Variants in DDX42 observed in about 807,000 individuals in gnomAD.
DDX42 encodes ATP-dependent RNA helicase DDX42.
A neutral mutation model predicts 101.5 loss-of-function variants in DDX42; 22 were observed. The ratio of observed to expected loss-of-function variants is 0.22; its 90% CI spans 0.15 to 0.31. The LOEUF is 0.31. Ranked by LOEUF, DDX42 falls within the 10% of genes least tolerant of loss-of-function variation. The pLI, the probability that DDX42 is intolerant of heterozygous loss-of-function variation, is 1.00. For missense variants in DDX42, 849 were observed against 1,199.9 expected, an observed-to-expected ratio of 0.71 and a Z score of 4.32; for synonymous variants, 402 against 401.2, an observed-to-expected ratio of 1.00 and a Z score of -0.02.
chr17:63,815,381 T>C (rs1260091374), intron 15 of DDX42, among the ~76,000 whole-genome samples, 182 bp from the exon 16 acceptor site: 1 of 152,194 alleles, frequency 6.6e-6, no homozygotes, highest in Non-Finnish European at 1.5e-5. Context: ...TCAAATTTGG[T>C]GGATTATGCT....
chr17:63,778,137 A>G lies in DDX42; in HGVS notation c.-17+3761A>G, dbSNP rs2144518431. Reference sequence around the variant, plus strand: ...CTTCTGTGAGACTTTTTCTGGTTCCACGGTATTAACACACACTATGCTACT... The same window carrying G: ...CTTCTGTGAGACTTTTTCTGGTTCCGCGGTATTAACACACACTATGCTACT... On this transcript the variant is annotated intron_variant, in intron 1 of 17. Coordinates refer to ENST00000389924, the MANE Select transcript of DDX42 (RefSeq NM_203499.3). 1.3e-5 allele frequency among the ~76,000 whole-genome samples: 2 copies of G among 152,286 alleles called. 1 individual carries two copies. Among genetic ancestry groups the G allele is most frequent in the South Asian group, 4.1e-4 (2 of 4,830 alleles).
chr17:63,786,463 C>T (rs1741180486), intron 1 of DDX42, among the ~76,000 whole-genome samples: 1 of 152,172 alleles, frequency 6.6e-6, no homozygotes, highest in Admixed American at 6.6e-5. Flanking sequence ...CAATCTCTGT[C>T]ACCCAGGCTT....
At chr17:63,781,570 T>G (rs111913149) in intron 1 of DDX42, among the ~76,000 whole-genome samples, 2,461 of 152,200 alleles carry the variant, frequency 0.016, 66 homozygotes, top group African/African-American at 0.055. Flanking sequence ...CTATAGAGCT[T>G]CTTTCTCCTC....
intron 6 of DDX42, among the ~76,000 whole-genome samples, chr17:63,804,587 C>T (rs1441703356): frequency 6.6e-6 from 1 of 152,204 alleles, no homozygotes; most frequent in Non-Finnish European, 1.5e-5. Flanking sequence ...GGTGAAATAT[C>T]TTCTCTGTCC....
rs1260096880 is a variant in DDX42 at position 63,817,772 on chromosome 17, T to C, written c.2191T>C (p.Trp731Arg). 1 of 1,614,136 alleles carries C rather than the reference T, an allele frequency of 6.2e-7. No individual in the cohort carries two copies. Among genetic ancestry groups the C allele is most frequent in the Non-Finnish European group, 8.5e-7 (1 of 1,180,028 alleles). Reference sequence around the variant, plus strand: ...AAGTTCTGCTGCTGGGGCAAGTGGGTGGACTAGTGCAGGGAGCTTGAATTC... The same window carrying C: ...AAGTTCTGCTGCTGGGGCAAGTGGGCGGACTAGTGCAGGGAGCTTGAATTC... The part of the protein sequence containing the change: ...AGSSAAGASG[W>R]TSAGSLNSVP... Residue 731 changes from tryptophan (W) to arginine (R), a missense_variant, in exon 18 of 18, where the codon TGG (tryptophan) becomes CGG (arginine). By Grantham distance (101) the Trp-to-Arg change is moderately radical. Around this residue, in one of 5 missense-constraint regions of DDX42, gnomAD observed 300 missense variants for 304.9 expected, o/e 0.98. Coordinates refer to ENST00000389924, the MANE Select transcript of DDX42 (RefSeq NM_203499.3).
At position 63,813,463 on chromosome 17, in the gene DDX42, C is replaced by T. The variant is rs769601535; in HGVS notation, c.1902+9C>T. ...TAGATCTGGCAATGCAGGTGAGGGG[C>T]TGGGCACACTTTCAATTGCTCCTGG... On this transcript the variant is annotated intron_variant, in intron 15 of 17. Transcript: ENST00000389924. 1 of 1,609,418 alleles carries T rather than the reference C, an allele frequency of 6.2e-7. No homozygotes were observed. Among genetic ancestry groups the T allele is most frequent in the Non-Finnish European group, 8.5e-7 (1 of 1,176,238 alleles).
chr17:63,789,631 T>C (rs1009189929), intron 2 of DDX42, among the ~76,000 whole-genome samples: 2 of 139,594 alleles, frequency 1.4e-5, no homozygotes, highest in African/African-American at 2.7e-5. Context: ...TGGAGTGCAG[T>C]GGCGTGATCT....
At chr17:63,800,387 T>C in intron 5 of DDX42, 81 bp from the exon 6 acceptor site, 12 of 1,383,476 alleles carry the variant, frequency 8.7e-6, no homozygotes, top group Non-Finnish European at 1.2e-5. Flanking sequence ...AATTATCTGG[T>C]ACACTATGTG....
intron 12 of DDX42, 70 bp downstream of exon 12, chr17:63,810,630 CAG>C (rs2039898807): frequency 1.7e-5 from 25 of 1,436,560 alleles, no homozygotes; most frequent in Non-Finnish European, 2.4e-5. Context: ...TATAAGCACT[CAG>C]AGTTATGGAA....
At chr17:63,790,406 C>T (rs920345733) in intron 2 of DDX42, among the ~76,000 whole-genome samples, 3 of 152,240 alleles carry the variant, frequency 2.0e-5, no homozygotes, top group Admixed American at 1.3e-4. Context: ...GGGTGTATCA[C>T]TTGAGGTCAG....
At position 63,818,680 on chromosome 17, in the gene DDX42, C is replaced by T. The variant is rs2040010978; in HGVS notation, c.*282C>T. On this transcript the variant is annotated 3_prime_UTR_variant, in exon 18 of 18. Coordinates refer to ENST00000389924, the MANE Select transcript of DDX42 (RefSeq NM_203499.3). ...AGGTTATCTTGGGATAAAGGGTCTT[C>T]TAGGGCACAAAACTCACTCTAGGTT... 1 of 364,472 alleles carries T rather than the reference C, an allele frequency of 2.7e-6. No homozygotes were observed. 22.6% of individuals were successfully genotyped at this position (364,472 alleles called of 1,614,324 possible).
intron 1 of DDX42, among the ~76,000 whole-genome samples, chr17:63,786,465 C>T (rs2039548403): frequency 6.6e-6 from 1 of 152,176 alleles, no homozygotes; most frequent in African/African-American, 2.4e-5. Flanking sequence ...ATCTCTGTCA[C>T]CCAGGCTTGA....
chr17:63,805,252 A>G, intron 7 of DDX42, 77 bp downstream of exon 7: 1 of 1,510,336 alleles, frequency 6.6e-7, no homozygotes, highest in Non-Finnish European at 8.9e-7. Context: ...TATCTAAACT[A>G]ATAACCTTGA....
rs138224520 is a variant in DDX42 at position 63,789,546 on chromosome 17, C to CGTTTTTTTTTT, written c.221+2276_221+2277insGTTTTTTTTTT. ...ATTGGAAAAAAAAGCTTCTAAAAGA[C>CGTTTTTTTTTT]TTTTTTGTTTTTGTTTTTGTTTTTG... is the stretch of plus-strand genomic sequence containing the variant. On this transcript the variant is annotated intron_variant, in intron 2 of 17. Transcript: ENST00000389924. Among the ~76,000 whole-genome samples the CGTTTTTTTTTT allele has an allele frequency of 7.4e-5, 9 of 121,848 alleles. 2 individuals are homozygous for CGTTTTTTTTTT. Among genetic ancestry groups the CGTTTTTTTTTT allele is most frequent in the African/African-American group, 2.0e-4 (6 of 29,320 alleles). 79.9% of individuals were successfully genotyped at this position (121,848 alleles called of 152,430 possible).
chr17:63,794,531 A>G (rs536606859), intron 3 of DDX42, among the ~76,000 whole-genome samples: 2 of 151,672 alleles, frequency 1.3e-5, no homozygotes, highest in East Asian at 3.9e-4. Context: ...AAAAACTATC[A>G]CTTTAGACTA....
intron 4 of DDX42, among the ~76,000 whole-genome samples, chr17:63,799,058 G>A (rs929495533): frequency 5.9e-5 from 9 of 152,162 alleles, no homozygotes; most frequent in Non-Finnish European, 1.0e-4. Context: ...CATGTGAACT[G>A]TTTAAGCGTT....
chr17:63,818,107 T>C lies in DDX42; in HGVS notation c.2526T>C (p.Asp842=). The stretch of plus-strand genomic sequence containing the variant: ...ACGGAGATGGTGGTCGCCATGGAGA[T>C]GGATACCGCCATCCAGAAAGCAGCA... ...PRHGDGGRHG[D]GYRHPESSSR... is the part of the protein sequence containing the mutation. Residue 842 remains aspartate, a synonymous_variant, in exon 18 of 18, where the codon GAT becomes GAC. Transcript: ENST00000389924. 3.7e-6 allele frequency: 6 copies of C among 1,613,680 alleles called. No homozygotes were observed. Among genetic ancestry groups the C allele is most frequent in the Non-Finnish European group, 5.1e-6 (6 of 1,179,972 alleles).
chr17:63,788,136 C>A (rs2039571621), intron 2 of DDX42, among the ~76,000 whole-genome samples: 2 of 151,760 alleles, frequency 1.3e-5, no homozygotes, highest in South Asian at 4.2e-4. Context: ...AACTCCTGAC[C>A]TCAGGTGAAC....
chr17:63,806,768 G>A, intron 8 of DDX42, 114 bp downstream of exon 8: 1 of 1,143,536 alleles, frequency 8.7e-7, no homozygotes, highest in Non-Finnish European at 1.2e-6. Context: ...TTGTTGATAA[G>A]GATAGAGGTA....
Sources: allele counts gnomAD v4.1 joint callset (sites outside exome capture counted in the v4.1 genomes callset), GRCh38; gene constraint gnomAD v4.1.1; regional missense constraint gnomAD v4.1.1; transcripts MANE v1.5; gene names NCBI Gene and HGNC (gene_info 2026-07-23, HGNC 2026-07-21).